The following ITGB8 variants were observed in gnomAD, a reference collection of about 807,000 sequenced individuals.
The protein encoded by ITGB8 is integrin subunit beta 8.
ITGB8 carries 30 observed loss-of-function variants against 89.5 expected under a neutral mutation model. That is an observed-to-expected ratio of 0.34 (90% confidence interval 0.25 to 0.45). The LOEUF is 0.45. Ranked by LOEUF, ITGB8 falls within the 20% of genes least tolerant of loss-of-function variation. The pLI is 1.00. For missense variants in ITGB8, 836 were observed against 933.3 expected (o/e 0.90, Z 1.36); for synonymous variants, 335 against 320.4 (o/e 1.05, Z -0.49).
At chr7:20,375,590 G>C (rs1462934253) in intron 3 of ITGB8, among the ~76,000 whole-genome samples, 1 of 152,182 alleles carries the variant, frequency 6.6e-6, no homozygotes, top group Non-Finnish European at 1.5e-5. Context: ...GTTACTTTCT[G>C]AGACTGGCAA....
At chr7:20,395,673 T>C (rs1488074070) in intron 8 of ITGB8, among the ~76,000 whole-genome samples, 1 of 152,228 alleles carries the variant, frequency 6.6e-6, no homozygotes, top group African/African-American at 2.4e-5. Flanking sequence ...GCTACTTTTT[T>C]ACCACTAAGA....
At chr7:20,374,193 C>T (rs1163673092) in intron 3 of ITGB8, among the ~76,000 whole-genome samples, 2 of 152,162 alleles carry the variant, frequency 1.3e-5, no homozygotes, top group African/African-American at 4.8e-5. Context: ...GAAGCTCTGC[C>T]TATACTGTGG....
intron 1 of ITGB8, among the ~76,000 whole-genome samples, chr7:20,333,761 T>C (rs1156568998): frequency 3.3e-5 from 5 of 152,192 alleles, no homozygotes; most frequent in Admixed American, 3.3e-4. Context: ...CCAGTCTCTG[T>C]CAATATACAA....
At chr7:20,330,419 G>A (rs1331574976), upstream of ITGB8, among the ~76,000 whole-genome samples, 1 of 152,172 alleles carries the variant, frequency 6.6e-6, no homozygotes, top group Non-Finnish European at 1.5e-5. Context: ...GAGAGATTGG[G>A]GTTTGCTCGC....
intron 1 of ITGB8, among the ~76,000 whole-genome samples, chr7:20,355,681 A>G (rs1277976120): frequency 6.6e-6 from 1 of 152,202 alleles, no homozygotes; most frequent in African/African-American, 2.4e-5. Flanking sequence ...TTTCATTTCC[A>G]TGGTCTGAAT....
chr7:20,340,071 T>TA (rs1013624173), intron 1 of ITGB8, among the ~76,000 whole-genome samples: 48 of 152,320 alleles, frequency 3.2e-4, no homozygotes, highest in African/African-American at 1.1e-3. Context: ...AAACAGCATA[T>TA]AGGGTCTTAT....
At chr7:20,400,564 G>A (rs759321439) in intron 9 of ITGB8, among the ~76,000 whole-genome samples, 3 of 152,026 alleles carry the variant, frequency 2.0e-5, no homozygotes, top group Non-Finnish European at 4.4e-5. Context: ...AAATTGTAAT[G>A]GATCTCAATC....
chr7:20,346,188 T>C (rs1042672290), intron 1 of ITGB8, among the ~76,000 whole-genome samples: 8 of 152,154 alleles, frequency 5.3e-5, no homozygotes, highest in Non-Finnish European at 1.2e-4. Flanking sequence ...GTTAGGATTC[T>C]GGGAGAAACA....
rs748934099 is a variant in ITGB8, at chr7:20,411,025, C to CTA, written c.*1032_*1033dup. 7.9e-5 allele frequency: 12 copies of CTA among 151,894 alleles called. No homozygotes were observed. Among genetic ancestry groups the CTA allele is most frequent in the Non-Finnish European group, 1.6e-4 (11 of 68,006 alleles). 9.4% of individuals were successfully genotyped at this position (151,894 alleles called of 1,614,324 possible). ...ATATCAGCATTTTTTAAATGAAAAG[C>CTA]TATATTATCTTCTCCCTTCAAGGCA... On this transcript the variant is annotated 3_prime_UTR_variant, in exon 14 of 14. Transcript: ENST00000222573.
chr7:20,386,906 A>G (rs1400686722), intron 6 of ITGB8, among the ~76,000 whole-genome samples: 1 of 152,228 alleles, frequency 6.6e-6, no homozygotes. Context: ...AAAAACTTAC[A>G]AAAATCAATG....
chr7:20,378,412 A>G (rs1786242256), intron 3 of ITGB8, among the ~76,000 whole-genome samples: 1 of 152,196 alleles, frequency 6.6e-6, no homozygotes, highest in South Asian at 2.1e-4. Flanking sequence ...GCAGGGCACC[A>G]TTCTTTAGCC....
chr7:20,342,122 C>T (rs1019486505), intron 1 of ITGB8, among the ~76,000 whole-genome samples: 3 of 151,978 alleles, frequency 2.0e-5, no homozygotes, highest in African/African-American at 7.2e-5. Context: ...TATTCTTGGC[C>T]CTTTGAACAA....
Position 20,401,797 on chromosome 7 carries a change from T to C in ITGB8, c.1358T>C (p.Ile453Thr), listed in dbSNP as rs780215932. The change falls in exon 10 of 14, where the codon ATT becomes ACT. Residue 453 changes from isoleucine (I) to threonine (T), a missense_variant. This residue lies in a region of ITGB8 where 422 missense variants were observed against 416.9 expected (regional missense o/e 1.01). Transcript: ENST00000222573. ...AAAAACTATGCAATAATCAAACCTA[T>C]TGGTTTTAATGAAACCGCTAAAATT... ...GGKNYAIIKP[I>T]GFNETAKIHI... 1.4e-5 allele frequency: 23 copies of C among 1,611,606 alleles called. No individual in the cohort carries two copies. The African/African-American group carries it at 2.7e-4, about 19-fold the overall frequency.
At chr7:20,368,253 T>C (rs993793663) in intron 3 of ITGB8, among the ~76,000 whole-genome samples, 8 of 152,220 alleles carry the variant, frequency 5.3e-5, no homozygotes, top group Admixed American at 3.3e-4. Flanking sequence ...AAAATGAAAG[T>C]AATTAGATTG....
intron 1 of ITGB8, 121 bp downstream of exon 1, chr7:20,332,054 G>C: frequency 6.8e-7 from 1 of 1,469,516 alleles, no homozygotes; most frequent in Admixed American, 2.3e-5. Context: ...AACTTCAAGG[G>C]GGCGGGTGCG....
chr7:20,370,454 C>T (rs1380421044), intron 3 of ITGB8, among the ~76,000 whole-genome samples: 3 of 150,842 alleles, frequency 2.0e-5, no homozygotes, highest in Admixed American at 2.0e-4. Flanking sequence ...TTATAATTAC[C>T]TCCCTTAATA....
intron 1 of ITGB8, among the ~76,000 whole-genome samples, chr7:20,342,936 G>C (rs537020714): frequency 2.0e-5 from 3 of 152,172 alleles, no homozygotes; most frequent in Non-Finnish European, 4.4e-5. Context: ...GGTCTGACAA[G>C]GTGAAGAGAC....
chr7:20,374,674 C>T (rs1786063684), intron 3 of ITGB8, among the ~76,000 whole-genome samples: 1 of 151,980 alleles, frequency 6.6e-6, no homozygotes, highest in African/African-American at 2.4e-5. Flanking sequence ...GAGGTTGGGC[C>T]ACCACAGGCA....
intron 6 of ITGB8, among the ~76,000 whole-genome samples, chr7:20,383,410 TTATC>T (rs1786481324): frequency 6.6e-6 from 1 of 152,224 alleles, no homozygotes; most frequent in Admixed American, 6.5e-5. Context: ...TAGTCATTTC[TTATC>T]TATCTTTCCT....
Sources: allele counts gnomAD v4.1 joint callset (sites outside exome capture counted in the v4.1 genomes callset), GRCh38; gene constraint gnomAD v4.1.1; regional missense constraint gnomAD v4.1.1; transcripts MANE v1.5; gene names NCBI Gene and HGNC (gene_info 2026-07-23, HGNC 2026-07-21).